Variants in SORCS1 observed in about 807,000 individuals in gnomAD.
SORCS1 encodes the protein VPS10 domain-containing receptor SorCS1.
In SORCS1, 60 loss-of-function variants were observed where a neutral mutation model predicts 146.1. That is an observed-to-expected ratio of 0.41 (90% CI 0.33 to 0.51). SORCS1 has a LOEUF of 0.51. SORCS1 is among the 20% of genes least tolerant of loss of function. SORCS1 has a pLI of 0.21. For synonymous variants in SORCS1, 637 were observed against 584.0 expected, an observed-to-expected ratio of 1.09 and a Z score of -1.31; for missense variants, 1,352 against 1,487.6, an observed-to-expected ratio of 0.91 and a Z score of 1.50.
At chr10:106,771,561 C>T (rs1240930393) in intron 4 of SORCS1, among the ~76,000 whole-genome samples, 1 of 152,016 alleles carries the variant, frequency 6.6e-6, no homozygotes, top group Admixed American at 6.6e-5. Flanking sequence ...CTTGGTTTGC[C>T]TACTGTTTAA....
chr10:106,977,726 T>A (rs1287657086), intron 1 of SORCS1, among the ~76,000 whole-genome samples: 1 of 151,944 alleles, frequency 6.6e-6, no homozygotes, highest in African/African-American at 2.4e-5. Context: ...AATATACAAA[T>A]ATGCATCTTT....
chr10:106,811,591 T>A (rs1240546745), intron 3 of SORCS1, among the ~76,000 whole-genome samples: 1 of 152,192 alleles, frequency 6.6e-6, no homozygotes, highest in African/African-American at 2.4e-5. Context: ...ACCTCAGTAG[T>A]AATTTAGGCA....
At chr10:107,123,077 CAAAA>C (rs35115429) in intron 1 of SORCS1, among the ~76,000 whole-genome samples, 4 of 79,114 alleles carry the variant, frequency 5.1e-5, no homozygotes, top group African/African-American at 7.7e-5. Context: ...GACAAACTGG[CAAAA>C]AAAAAAAAAA....
At position 106,722,120 on chromosome 10, in the gene SORCS1, T is replaced by TACACACACACACACAC. The variant is rs140882766; in HGVS notation, c.1024+7914_1024+7929dup. Among the ~76,000 whole-genome samples the TACACACACACACACAC allele has an allele frequency of 1.6e-3, 227 of 144,350 alleles. 1 individual carries two copies. The highest frequency in any genetic ancestry group is 5.4e-3 in the African/African-American group (208 of 38,842). 94.7% of individuals were successfully genotyped at this position (144,350 alleles called of 152,430 possible). On this transcript the variant is annotated intron_variant, in intron 6 of 25. Transcript: ENST00000263054. ...TGGAGAAATATAGCAAATATATAAATACACACACACACACACACACACACA... is the reference window on the plus strand; with the variant it reads ...TGGAGAAATATAGCAAATATATAAATACACACACACACACACACACACACACACACACACACACACA...
chr10:106,625,512 C>A (rs1217109041), intron 19 of SORCS1, among the ~76,000 whole-genome samples: 2 of 152,016 alleles, frequency 1.3e-5, no homozygotes, highest in Non-Finnish European at 2.9e-5. Flanking sequence ...GGGATAAGAC[C>A]CAGAACACCA....
intron 2 of SORCS1, among the ~76,000 whole-genome samples, chr10:106,835,442 G>A (rs919332734): frequency 2.0e-5 from 3 of 152,074 alleles, no homozygotes; most frequent in South Asian, 2.1e-4. Flanking sequence ...AACCTACAAC[G>A]TGAACCCTCA....
In SORCS1 at chr10:107,035,744, T is replaced by A. The variant is rs529557864; in HGVS notation, c.559-79164A>T. ...TGAGGATCATTAAATCACTAATGTG[T>A]TTTAGAACAGACTAATAGGTAAAGG... is the stretch of plus-strand genomic sequence containing the variant. On this transcript the variant is annotated intron_variant, in intron 1 of 25. Coordinates refer to ENST00000263054, the MANE Select transcript of SORCS1 (RefSeq NM_052918.5). 2.0e-5 allele frequency among the ~76,000 whole-genome samples: 3 copies of A among 152,220 alleles called. No individual in the cohort carries two copies. In the South Asian group the frequency reaches 6.2e-4, roughly 32 times the overall value.
At chr10:106,990,863 A>G (rs764325788) in intron 1 of SORCS1, among the ~76,000 whole-genome samples, 4 of 152,222 alleles carry the variant, frequency 2.6e-5, no homozygotes, top group Non-Finnish European at 4.4e-5. Flanking sequence ...ACTTAAGAAA[A>G]TGTATAAATA....
intron 1 of SORCS1, among the ~76,000 whole-genome samples, chr10:107,128,197 C>A (rs1966819432): frequency 6.6e-6 from 1 of 152,180 alleles, no homozygotes. Flanking sequence ...ATCCTTTTCT[C>A]CAGATAAACA....
At chr10:106,671,670 G>T (rs1364488372) in intron 15 of SORCS1, among the ~76,000 whole-genome samples, 1 of 152,194 alleles carries the variant, frequency 6.6e-6, no homozygotes. Flanking sequence ...GACTCAGCCT[G>T]TACCTAGTGT....
At position 106,853,345 on chromosome 10, in the gene SORCS1, T is replaced by A. The variant is rs185888448; in HGVS notation, c.627-23672A>T. ...TCTTTCATTTCTGACATTAGTATTT[T>A]GTGCTCCCTCTCTTTTTTCTTAGCC... is the stretch of plus-strand genomic sequence containing the variant. On this transcript the variant is annotated intron_variant, in intron 2 of 25. Coordinates refer to ENST00000263054, the MANE Select transcript of SORCS1 (RefSeq NM_052918.5). Among the ~76,000 whole-genome samples the A allele has an allele frequency of 1.5e-3, 225 of 152,184 alleles. 1 individual carries two copies. Among genetic ancestry groups the A allele is most frequent in the Non-Finnish European group, 2.7e-3 (184 of 67,996 alleles).
At chr10:106,595,598 T>C (rs2133303000) in intron 24 of SORCS1, among the ~76,000 whole-genome samples, 1 of 152,182 alleles carries the variant, frequency 6.6e-6, no homozygotes, top group African/African-American at 2.4e-5. Context: ...TTCTATGAAA[T>C]CCAATAAAGA....
intron 4 of SORCS1, among the ~76,000 whole-genome samples, chr10:106,771,899 AT>A (rs1403048051): frequency 6.6e-6 from 1 of 152,162 alleles, no homozygotes; most frequent in Non-Finnish European, 1.5e-5. Context: ...TTATTTAAGA[AT>A]TTCAATGGGT....
At chr10:106,814,165 T>G (rs1947618866) in intron 3 of SORCS1, among the ~76,000 whole-genome samples, 1 of 152,220 alleles carries the variant, frequency 6.6e-6, no homozygotes, top group African/African-American at 2.4e-5. Flanking sequence ...AGCATCAAGC[T>G]TATCCTGTAA....
At chr10:106,595,064 C>T (rs575361510) in intron 24 of SORCS1, among the ~76,000 whole-genome samples, 3 of 152,274 alleles carry the variant, frequency 2.0e-5, no homozygotes, top group Admixed American at 6.5e-5. Context: ...TGTGACTCTG[C>T]CATGTGCTAC....
intron 1 of SORCS1, among the ~76,000 whole-genome samples, chr10:106,990,262 T>C (rs1956712120): frequency 6.6e-6 from 1 of 152,144 alleles, no homozygotes; most frequent in African/African-American, 2.4e-5. Context: ...TTTGGAAGTC[T>C]ACTGCTATTT....
intron 1 of SORCS1, among the ~76,000 whole-genome samples, chr10:106,998,580 T>C (rs1440925822): frequency 2.0e-5 from 3 of 152,246 alleles, no homozygotes; most frequent in African/African-American, 7.2e-5. Flanking sequence ...ATAAGCTGTA[T>C]TAGATACTTT....
At chr10:107,035,995 G>A (rs1052781262) in intron 1 of SORCS1, among the ~76,000 whole-genome samples, 12 of 150,718 alleles carry the variant, frequency 8.0e-5, no homozygotes, top group Non-Finnish European at 1.3e-4. Context: ...GCAGAATCAG[G>A]ATTTGAACAC....
At chr10:106,798,035 C>T (rs1399940488) in intron 3 of SORCS1, among the ~76,000 whole-genome samples, 2 of 152,150 alleles carry the variant, frequency 1.3e-5, no homozygotes, top group Admixed American at 1.3e-4. Flanking sequence ...CTTGAATTCC[C>T]ATGTACTGTG....
Sources: gnomAD v4.1 joint callset for allele counts (sites outside exome capture counted in the v4.1 genomes callset) on GRCh38, gnomAD v4.1.1 for gene constraint, MANE v1.5 for transcripts, NCBI Gene and HGNC (gene_info 2026-07-23, HGNC 2026-07-21) for gene names.